QTMAN: variants seen among roughly 807,000 people sequenced by gnomAD.
QTMAN encodes the protein queuosine-tRNA mannosyltransferase.
chr2:144,093,042 T>C, the QTMAN span, among the ~76,000 whole-genome samples: 31 of 152,234 alleles, frequency 2.0e-4, 1 homozygote, highest in Admixed American at 7.2e-4. Context: ...GTTATTTATA[T>C]GGTGGAAAAA....
chr2:144,309,499 A>G, the QTMAN span, among the ~76,000 whole-genome samples: 1 of 152,244 alleles, frequency 6.6e-6, no homozygotes, highest in East Asian at 1.9e-4. Context: ...ATCATGCTCT[A>G]AAGAGTATAT....
chr2:144,230,775 T>C, the QTMAN span, among the ~76,000 whole-genome samples: 251 of 152,246 alleles, frequency 1.6e-3, no homozygotes, highest in Middle Eastern at 0.01. Flanking sequence ...TTTAGCCAAA[T>C]CCCTGAATTT....
chr2:143,982,853 CAAA>C, the QTMAN span, among the ~76,000 whole-genome samples: 218 of 61,008 alleles, frequency 3.6e-3, 1 homozygote, highest in South Asian at 0.01. Flanking sequence ...GACTCTGTCT[CAAA>C]AAAAAAAAAA....
chr2:144,225,102 C>A, the QTMAN span, among the ~76,000 whole-genome samples: 1 of 152,166 alleles, frequency 6.6e-6, no homozygotes, highest in African/African-American at 2.4e-5. Context: ...AATATTTGAT[C>A]TCCCAGGTGC....
the QTMAN span, among the ~76,000 whole-genome samples, chr2:144,175,932 TGA>T: frequency 6.6e-6 from 1 of 152,322 alleles, no homozygotes; most frequent in East Asian, 1.9e-4. Context: ...CTGAAAGTGC[TGA>T]GATTACAGGT....
At chr2:144,160,848 C>A in the QTMAN span, among the ~76,000 whole-genome samples, 1 of 152,040 alleles carries the variant, frequency 6.6e-6, no homozygotes, top group African/African-American at 2.4e-5. Flanking sequence ...ACAACTGGTA[C>A]GTAAAATACA....
At chr2:144,142,420 T>C in the QTMAN span, among the ~76,000 whole-genome samples, 6 of 151,944 alleles carry the variant, frequency 3.9e-5, no homozygotes, top group Non-Finnish European at 5.9e-5. Context: ...GCTACCCATG[T>C]TGAATTTCTG....
At chr2:144,262,941 G>A in the QTMAN span, among the ~76,000 whole-genome samples, 260 of 88,694 alleles carry the variant, frequency 2.9e-3, 3 homozygotes, top group Middle Eastern at 7.7e-3. Flanking sequence ...AGGGAAGAGG[G>A]GAGGGGATAG....
At chr2:144,050,314 G>A in the QTMAN span, among the ~76,000 whole-genome samples, 2 of 151,592 alleles carry the variant, frequency 1.3e-5, no homozygotes, top group East Asian at 1.9e-4. Flanking sequence ...CGGCAGGAAC[G>A]GTGAAAAAAA....
the QTMAN span, among the ~76,000 whole-genome samples, chr2:144,293,082 C>A: frequency 3.3e-5 from 5 of 152,058 alleles, no homozygotes; most frequent in African/African-American, 1.2e-4. Context: ...AAGAAATAAA[C>A]AAGCAAATCA....
At chr2:143,950,651 G>T in the QTMAN span, among the ~76,000 whole-genome samples, 12 of 151,542 alleles carry the variant, frequency 7.9e-5, no homozygotes, top group African/African-American at 1.2e-4. Context: ...TAATTCATTT[G>T]TACTAATACT....
At chr2:144,325,631 G>A in the QTMAN span, among the ~76,000 whole-genome samples, 6 of 151,972 alleles carry the variant, frequency 3.9e-5, no homozygotes, top group Non-Finnish European at 7.4e-5. Context: ...GATAATTGAA[G>A]TTTTCCTTTT....
chr2:144,227,559 T>C, the QTMAN span, among the ~76,000 whole-genome samples: 1 of 152,188 alleles, frequency 6.6e-6, no homozygotes, highest in African/African-American at 2.4e-5. Flanking sequence ...GAAGGGATTA[T>C]TGAGGTTCAA....
At chr2:144,019,487 T>TGTGTGTGTGTGTGTG in the QTMAN span, among the ~76,000 whole-genome samples, 1 of 148,920 alleles carries the variant, frequency 6.7e-6, no homozygotes, top group African/African-American at 2.5e-5. Context: ...TGTGTGTATG[T>TGTGTGTGTGTGTGTG]AGTTTTAGAC....
chr2:144,095,408 A>T, the QTMAN span, among the ~76,000 whole-genome samples: 1 of 152,030 alleles, frequency 6.6e-6, no homozygotes, highest in African/African-American at 2.4e-5. Context: ...CACACAGCAC[A>T]CTCTAAGTCA....
the QTMAN span, chr2:143,952,872 A>C: frequency 7.3e-7 from 1 of 1,373,734 alleles, no homozygotes; most frequent in Non-Finnish European, 1.0e-6. Context: ...GAGGGTAAGA[A>C]TATATTAAAA....
At chr2:144,321,233 T>C in the QTMAN span, among the ~76,000 whole-genome samples, 3 of 152,318 alleles carry the variant, frequency 2.0e-5, no homozygotes, top group Non-Finnish European at 1.5e-5. Context: ...GCCCAAGATA[T>C]CTGTGTCTCT....
the QTMAN span, among the ~76,000 whole-genome samples, chr2:143,999,509 A>G: frequency 6.6e-6 from 1 of 151,998 alleles, no homozygotes; most frequent in Non-Finnish European, 1.5e-5. Context: ...GTGACCGGAA[A>G]GGAGAAATAT....
the QTMAN span, among the ~76,000 whole-genome samples, chr2:143,990,865 G>A: frequency 2.6e-5 from 4 of 152,134 alleles, no homozygotes; most frequent in Non-Finnish European, 5.9e-5. Flanking sequence ...TGTTTTAAGT[G>A]TTTAAAGAAA....
Sources: allele counts gnomAD v4.1 joint callset (sites outside exome capture counted in the v4.1 genomes callset), GRCh38; gene constraint gnomAD v4.1.1; transcripts MANE v1.5; gene names NCBI Gene and HGNC (gene_info 2026-07-23, HGNC 2026-07-21).